DAPK1: variants seen among roughly 807,000 people sequenced by gnomAD.
DAPK1 encodes the protein death-associated protein kinase 1.
A neutral mutation model predicts 144.9 loss-of-function variants in DAPK1; 56 were observed. That is an observed-to-expected ratio of 0.39 (90% CI 0.31 to 0.48). The LOEUF is 0.48. DAPK1 is among the 20% of genes least tolerant of loss of function. The probability of loss-of-function intolerance (pLI) is 0.95; values close to 1 mark genes in which losing one functional copy is unlikely to be tolerated. For missense variants in DAPK1, 1,454 were observed against 1,875.4 expected (o/e 0.78, Z 4.15); for synonymous variants, 690 against 749.0 (o/e 0.92, Z 1.29).
chr9:87,673,092 C>G (rs1217496131), intron 19 of DAPK1, among the ~76,000 whole-genome samples: 1 of 152,172 alleles, frequency 6.6e-6, no homozygotes, highest in Admixed American at 6.5e-5. Flanking sequence ...CTGGGAGGCC[C>G]TGTCCTTGCA....
chr9:87,592,883 C>A (rs747495345), intron 2 of DAPK1, among the ~76,000 whole-genome samples: 3 of 152,150 alleles, frequency 2.0e-5, no homozygotes, highest in Non-Finnish European at 4.4e-5. Context: ...CTGAAGTGAC[C>A]CTGCGGTCCC....
At chr9:87,614,468 A>T (rs1829029014) in intron 3 of DAPK1, among the ~76,000 whole-genome samples, 1 of 152,172 alleles carries the variant, frequency 6.6e-6, no homozygotes, top group African/African-American at 2.4e-5. Flanking sequence ...GCAGGTGACT[A>T]TTCTTAGACT....
At chr9:87,558,383 A>G (rs1826792794) in intron 2 of DAPK1, among the ~76,000 whole-genome samples, 1 of 150,850 alleles carries the variant, frequency 6.6e-6, no homozygotes, top group African/African-American at 2.5e-5. Context: ...ACGGGACAGA[A>G]TAAATAAAGC....
At chr9:87,625,219 C>T (rs573636192) in intron 3 of DAPK1, among the ~76,000 whole-genome samples, 3 of 149,678 alleles carry the variant, frequency 2.0e-5, no homozygotes, top group East Asian at 2.0e-4. Flanking sequence ...GATCTCGGGT[C>T]GCTATAGGAA....
chr9:87,646,099 C>T (rs1311221053), intron 12 of DAPK1, 85 bp downstream of exon 12: 8 of 1,472,840 alleles, frequency 5.4e-6, no homozygotes, highest in South Asian at 1.3e-5. Context: ...CCATCTGCTT[C>T]TCCATTCTCC....
At chr9:87,558,708 C>G (rs1399516814) in intron 2 of DAPK1, among the ~76,000 whole-genome samples, 1 of 152,168 alleles carries the variant, frequency 6.6e-6, no homozygotes, top group African/African-American at 2.4e-5. Context: ...TCTGCAGACC[C>G]CTTCATTGCT....
At chr9:87,650,184 C>CAGGA in intron 16 of DAPK1, 66 bp downstream of exon 16, 1 of 1,527,846 alleles carries the variant, frequency 6.5e-7, no homozygotes. Flanking sequence ...GACCACAAGA[C>CAGGA]TCCTCAGTTT....
At chr9:87,557,558 TTCTA>T (rs1490960409) in intron 2 of DAPK1, among the ~76,000 whole-genome samples, 18 of 152,220 alleles carry the variant, frequency 1.2e-4, no homozygotes, top group Non-Finnish European at 2.1e-4. Context: ...TAGATTTTTT[TTCTA>T]TCTCTTACAG....
At chr9:87,622,859 C>G (rs9785254) in intron 3 of DAPK1, among the ~76,000 whole-genome samples, 74,554 of 151,802 alleles carry the variant, frequency 0.49, 19,414 homozygotes, top group East Asian at 0.78. Context: ...TGCAGTGACC[C>G]GAGATTGCAC....
At chr9:87,649,089 T>C (rs1056762501) in intron 15 of DAPK1, among the ~76,000 whole-genome samples, 2 of 152,210 alleles carry the variant, frequency 1.3e-5, no homozygotes, top group African/African-American at 4.8e-5. Flanking sequence ...AACCACTTGA[T>C]TCATTCATGC....
intron 2 of DAPK1, among the ~76,000 whole-genome samples, chr9:87,506,373 G>A (rs1269398469): frequency 1.3e-5 from 2 of 152,196 alleles, no homozygotes; most frequent in East Asian, 1.9e-4. Flanking sequence ...AGGCCTTAAC[G>A]ACACACTGGG....
At chr9:87,632,904 G>GTATATGTA (rs1829752803) in intron 3 of DAPK1, 2 of 805,596 alleles carry the variant, frequency 2.5e-6, no homozygotes, top group Middle Eastern at 6.8e-4. Context: ...AGGAGGATGA[G>GTATATGTA]TATATATATA....
At chr9:87,507,354 A>G (rs970110237) in intron 2 of DAPK1, among the ~76,000 whole-genome samples, 23 of 152,150 alleles carry the variant, frequency 1.5e-4, no homozygotes, top group African/African-American at 5.6e-4. Flanking sequence ...CTGGGATTAC[A>G]GGCATGCACC....
At chr9:87,537,391 T>A (rs1180889333) in intron 2 of DAPK1, among the ~76,000 whole-genome samples, 2 of 152,010 alleles carry the variant, frequency 1.3e-5, no homozygotes, top group East Asian at 3.9e-4. Flanking sequence ...GCTGGGTGTA[T>A]GGGGAGATGT....
intron 3 of DAPK1, chr9:87,633,384 G>A: frequency 2.0e-6 from 2 of 985,140 alleles, no homozygotes; most frequent in Non-Finnish European, 2.4e-6. Context: ...AATACATAGG[G>A]CCTTCTGGGC....
At chr9:87,598,438 A>G (rs1473341391) in intron 2 of DAPK1, among the ~76,000 whole-genome samples, 1 of 152,174 alleles carries the variant, frequency 6.6e-6, no homozygotes, top group African/African-American at 2.4e-5. Flanking sequence ...GTAGATGCAT[A>G]TTTAAAGTAA....
intron 2 of DAPK1, among the ~76,000 whole-genome samples, chr9:87,547,883 G>A (rs1158823870): frequency 6.6e-6 from 1 of 152,150 alleles, no homozygotes; most frequent in East Asian, 1.9e-4. Context: ...CCTGGTAAAT[G>A]CACCTTCACG....
Position 87,604,998 on chromosome 9 carries a change from G to A in DAPK1, c.107G>A (p.Gly36Asp), listed in dbSNP as rs772531291. ...AAGAAATGCCGTGAGAAAAGCACCGGCCTCCAGTATGCCGCCAAATTCATC... is the reference window on the plus strand; with the variant it reads ...AAGAAATGCCGTGAGAAAAGCACCGACCTCCAGTATGCCGCCAAATTCATC... ...VVKKCREKST[G>D]LQYAAKFIKK... Residue 36 changes from glycine to aspartate, a missense_variant, in exon 3 of 26, where the codon GGC (glycine) becomes GAC (aspartate). Physicochemically the swap from Gly to Asp is moderately conservative, Grantham distance 94. Coordinates refer to ENST00000408954, the MANE Select transcript of DAPK1 (RefSeq NM_004938.4). The A allele has an allele frequency of 2.5e-6, 4 of 1,614,022 alleles. No individual in the cohort carries two copies. In the African/African-American group the frequency reaches 5.3e-5, roughly 22 times the overall value.
At position 87,645,942 on chromosome 9, in the gene DAPK1, C is replaced by T. The variant is rs759976073; in HGVS notation, c.1059C>T (p.Asn353=). The change falls in exon 12 of 26, where the codon AAC becomes AAT. Residue 353 remains asparagine, a synonymous_variant. Transcript: ENST00000408954. ...FVMKAIIHAI[N]DDNVPGLQHL... Reference sequence around the variant, plus strand: ...TGAAAGCCATCATCCATGCCATCAACGATGACAATGTCCCAGGCCTGCAGC... The same window carrying T: ...TGAAAGCCATCATCCATGCCATCAATGATGACAATGTCCCAGGCCTGCAGC... The T allele has an allele frequency of 3.1e-6, 5 of 1,613,846 alleles. No homozygotes were observed. The South Asian group carries it at 4.4e-5, about 14-fold the overall frequency.
Sources: allele counts gnomAD v4.1 joint callset (sites outside exome capture counted in the v4.1 genomes callset), GRCh38; gene constraint gnomAD v4.1.1; transcripts MANE v1.5; gene names NCBI Gene and HGNC (gene_info 2026-07-23, HGNC 2026-07-21).